The following SHC3 variants were observed in gnomAD, a reference collection of about 807,000 sequenced individuals.
The protein encoded by SHC3 is SHC-transforming protein 3.
A neutral mutation model predicts 60.4 loss-of-function variants in SHC3; 15 were observed. The observed-to-expected ratio is 0.25, with a 90% CI of 0.17 to 0.38. SHC3 has a LOEUF of 0.38. Ranked by LOEUF, SHC3 falls within the 10% of genes least tolerant of loss-of-function variation. The pLI is 1.00. For synonymous variants in SHC3, 294 were observed against 325.9 expected (o/e 0.90, Z 1.05); for missense variants, 677 against 786.1 (o/e 0.86, Z 1.66).
intron 11 of SHC3, among the ~76,000 whole-genome samples, chr9:89,033,017 G>GCC (rs990756339): frequency 4.2e-4 from 56 of 134,054 alleles, no homozygotes; most frequent in African/African-American, 1.1e-3. Flanking sequence ...CAACAAAAAA[G>GCC]CCCCCCCACC....
chr9:89,143,823 T>C (rs1826430232), intron 1 of SHC3, among the ~76,000 whole-genome samples: 1 of 152,080 alleles, frequency 6.6e-6, no homozygotes. Flanking sequence ...AGTGTGTCAG[T>C]GTGCTTTGTA....
At chr9:89,046,732 T>G (rs1022912896) in intron 8 of SHC3, 112 bp downstream of exon 8, 9 of 1,241,650 alleles carry the variant, frequency 7.2e-6, no homozygotes, top group Admixed American at 6.4e-5. Flanking sequence ...CATGATTTAC[T>G]GTGTCAAAAA....
intron 2 of SHC3, among the ~76,000 whole-genome samples, chr9:89,089,728 C>T (rs560631407): frequency 6.6e-6 from 1 of 152,284 alleles, no homozygotes; most frequent in Middle Eastern, 3.4e-3. Context: ...CACTTTTTCC[C>T]AGGTCCCAAG....
chr9:89,113,220 A>C (rs1427128279), intron 1 of SHC3, among the ~76,000 whole-genome samples: 1 of 152,234 alleles, frequency 6.6e-6, no homozygotes. Flanking sequence ...AGATTTATAC[A>C]TCTAAATGCA....
intron 2 of SHC3, among the ~76,000 whole-genome samples, chr9:89,097,435 T>G (rs920709347): frequency 2.0e-5 from 3 of 152,226 alleles, no homozygotes; most frequent in Non-Finnish European, 4.4e-5. Flanking sequence ...CTGTGTTTTC[T>G]AAAATAAGTG....
At chr9:89,146,122 C>G (rs2118202881) in intron 1 of SHC3, among the ~76,000 whole-genome samples, 1 of 152,074 alleles carries the variant, frequency 6.6e-6, no homozygotes, top group African/African-American at 2.4e-5. Flanking sequence ...CCTTGGGAGG[C>G]TGAGGCGAGC....
At chr9:89,092,739 G>GGTGTGTGTGT (rs150979999) in intron 2 of SHC3, among the ~76,000 whole-genome samples, 1 of 149,090 alleles carries the variant, frequency 6.7e-6, no homozygotes, top group Non-Finnish European at 1.5e-5. Context: ...AAAGAAGGAA[G>GGTGTGTGTGT]GTGTGTGTGT....
intron 2 of SHC3, among the ~76,000 whole-genome samples, chr9:89,084,833 G>A (rs1250648914): frequency 6.6e-6 from 1 of 152,158 alleles, no homozygotes; most frequent in African/African-American, 2.4e-5. Context: ...GAGGGAGATG[G>A]TGCCATGTCT....
intron 1 of SHC3, among the ~76,000 whole-genome samples, chr9:89,161,036 C>T (rs569778643): frequency 8.2e-4 from 124 of 151,786 alleles, no homozygotes; most frequent in East Asian, 1.9e-4. Flanking sequence ...ATTCCTCTGT[C>T]GTCTGTCGCA....
At chr9:89,097,083 G>A (rs977283841) in intron 2 of SHC3, among the ~76,000 whole-genome samples, 4 of 145,384 alleles carry the variant, frequency 2.8e-5, no homozygotes, top group South Asian at 2.2e-4. Flanking sequence ...AGTGGGCAGC[G>A]CCCAGAAGGT....
At position 89,110,207 on chromosome 9, in the gene SHC3, C is replaced by T; in HGVS notation, c.545+2349G>A. The T allele has an allele frequency of 8.1e-6, 8 of 985,370 alleles. No homozygotes were observed. In the South Asian group the frequency reaches 1.9e-4, roughly 23 times the overall value. 61.0% of individuals were successfully genotyped at this position (985,370 alleles called of 1,614,324 possible). A position where few individuals can be genotyped will look rare whatever the true frequency, so the allele number is the denominator to read the frequency against. On this transcript the variant is annotated intron_variant, in intron 2 of 11. Transcript: ENST00000375835. ...CCTCAATTCTGAAGTGGAGTCCTCA[C>T]ATTTGTGTATACAAAGTGAAATGCT...
At chr9:89,047,920 T>C (rs1824799360) in intron 7 of SHC3, among the ~76,000 whole-genome samples, 1 of 152,200 alleles carries the variant, frequency 6.6e-6, no homozygotes, top group Admixed American at 6.5e-5. Context: ...AGGAAACTTG[T>C]ATACATCTTT....
chr9:89,064,400 C>G (rs1036425750), intron 6 of SHC3, among the ~76,000 whole-genome samples: 5 of 152,108 alleles, frequency 3.3e-5, no homozygotes, highest in Admixed American at 2.6e-4. Context: ...CATGTGGAAT[C>G]GATCCTGATT....
chr9:89,069,277 C>T (rs1275587570), intron 5 of SHC3, among the ~76,000 whole-genome samples: 1 of 152,154 alleles, frequency 6.6e-6, no homozygotes, highest in African/African-American at 2.4e-5. Context: ...CCACTGCATT[C>T]CAGCCTGGGT....
At chr9:89,169,941 G>A (rs1005283588) in intron 1 of SHC3, among the ~76,000 whole-genome samples, 2 of 152,156 alleles carry the variant, frequency 1.3e-5, no homozygotes. Flanking sequence ...AGCGGAGGAG[G>A]TGGAGATCAG....
chr9:89,119,098 G>A (rs1310821688), intron 1 of SHC3, among the ~76,000 whole-genome samples: 1 of 152,150 alleles, frequency 6.6e-6, no homozygotes, highest in Non-Finnish European at 1.5e-5. Context: ...TCAGTTTTGT[G>A]GAGGTAGGTC....
intron 1 of SHC3, among the ~76,000 whole-genome samples, chr9:89,165,192 T>C (rs1208551429): frequency 6.6e-6 from 1 of 152,052 alleles, no homozygotes; most frequent in Admixed American, 6.6e-5. Flanking sequence ...GATCAATATA[T>C]GTAGAATGTT....
intron 4 of SHC3, 118 bp from the exon 5 acceptor site, chr9:89,071,370 T>G (rs942664642): frequency 1.1e-6 from 1 of 923,900 alleles, no homozygotes. Context: ...AATTGGTATC[T>G]ATATAAAAAT....
At chr9:89,053,793 A>C (rs564264139) in intron 6 of SHC3, among the ~76,000 whole-genome samples, 34 of 152,354 alleles carry the variant, frequency 2.2e-4, no homozygotes, top group African/African-American at 7.2e-4. Flanking sequence ...AATGCCAAGC[A>C]GCTGTTACAG....
Sources: allele counts gnomAD v4.1 joint callset (sites outside exome capture counted in the v4.1 genomes callset), GRCh38; gene constraint gnomAD v4.1.1; transcripts MANE v1.5; gene names NCBI Gene and HGNC (gene_info 2026-07-23, HGNC 2026-07-21).